Variants in RIN3 observed in about 807,000 individuals in gnomAD.
RIN3 encodes the protein RAB5 interacting protein 3.
In RIN3, 54 loss-of-function variants were observed where a neutral mutation model predicts 76.3. The observed-to-expected ratio is 0.71, with a 90% CI of 0.57 to 0.89. The LOEUF is 0.89. RIN3 is among the 40% of genes least tolerant of loss of function. RIN3 has a pLI of 0.00. For synonymous variants in RIN3, 576 were observed against 564.0 expected (o/e 1.02, Z -0.30); for missense variants, 1,256 against 1,322.1 (o/e 0.95, Z 0.78).
At chr14:92,520,675 G>A (rs987626134) in intron 1 of RIN3, among the ~76,000 whole-genome samples, 1 of 152,164 alleles carries the variant, frequency 6.6e-6, no homozygotes, top group East Asian at 1.9e-4. Context: ...GTTTCCCAGA[G>A]CTAAATTGTT....
At position 92,688,391 on chromosome 14, in the gene RIN3, GT is replaced by G; in HGVS notation, c.*141del. On this transcript the variant is annotated 3_prime_UTR_variant, in exon 10 of 10. Transcript: ENST00000216487. ...GTGCCCAGGCCAACGTCGCAGGACA[GT>G]TGTGAAAATAACATGACGCTCGTCC... 1.2e-6 allele frequency: 1 copy of G among 809,434 alleles called. No individual in the cohort carries two copies. Among genetic ancestry groups the G allele is most frequent in the African/African-American group, 1.8e-5 (1 of 56,920 alleles). 50.1% of individuals were successfully genotyped at this position (809,434 alleles called of 1,614,324 possible). A position where few individuals can be genotyped will look rare whatever the true frequency, so the allele number is the denominator to read the frequency against.
chr14:92,532,017 C>T (rs577793745), intron 1 of RIN3, among the ~76,000 whole-genome samples: 16 of 150,968 alleles, frequency 1.1e-4, no homozygotes, highest in Non-Finnish European at 1.9e-4. Flanking sequence ...CAACCTCCGC[C>T]TCCTGGGTTC....
intron 7 of RIN3, among the ~76,000 whole-genome samples, chr14:92,667,754 C>A (rs979804483): frequency 6.6e-6 from 1 of 151,960 alleles, no homozygotes; most frequent in African/African-American, 2.4e-5. Flanking sequence ...TCATGTAAGT[C>A]CAATTGCATA....
intron 1 of RIN3, among the ~76,000 whole-genome samples, chr14:92,551,392 G>C (rs983559510): frequency 2.0e-5 from 3 of 152,188 alleles, no homozygotes; most frequent in Non-Finnish European, 4.4e-5. Flanking sequence ...TGAGCTATTA[G>C]GAGGAGAGCT....
intron 2 of RIN3, among the ~76,000 whole-genome samples, chr14:92,566,519 C>T (rs773997553): frequency 5.3e-5 from 8 of 152,126 alleles, no homozygotes; most frequent in Admixed American, 3.9e-4. Context: ...TGGTCAAGAT[C>T]GGCTCTGACC....
At position 92,688,293 on chromosome 14, in the gene RIN3, C is replaced by G; in HGVS notation, c.*41C>G. 1 of 1,472,282 alleles carries G rather than the reference C, an allele frequency of 6.8e-7. No individual in the cohort carries two copies. The highest frequency in any genetic ancestry group is 9.0e-7 in the Non-Finnish European group (1 of 1,109,808). The allele number at this position is 1,472,282 out of a possible 1,614,324, so 91.2% of individuals were successfully genotyped here. The stretch of plus-strand genomic sequence containing the variant: ...CCTCCCCTCACCCCCAGGCGCACGT[C>G]TGGCCCCGCCTCTGGCTGCGCACTC... On this transcript the variant is annotated 3_prime_UTR_variant, in exon 10 of 10. Coordinates refer to ENST00000216487, the MANE Select transcript of RIN3 (RefSeq NM_024832.5).
intron 1 of RIN3, among the ~76,000 whole-genome samples, chr14:92,538,793 G>A (rs1440479785): frequency 6.6e-6 from 1 of 152,142 alleles, no homozygotes; most frequent in East Asian, 1.9e-4. Context: ...TGTTTTCTGA[G>A]TAGGCGATAT....
chr14:92,535,669 C>CTTTTTT, intron 1 of RIN3, among the ~76,000 whole-genome samples: 1 of 94,092 alleles, frequency 1.1e-5, no homozygotes. Context: ...CTGGAACAGA[C>CTTTTTT]TTTTTTTTTT....
chr14:92,525,208 C>T (rs1004852148), intron 1 of RIN3, among the ~76,000 whole-genome samples: 4 of 152,170 alleles, frequency 2.6e-5, no homozygotes. Context: ...TGCAGAGGCA[C>T]CCTACAGGCT....
At chr14:92,548,457 T>C (rs1897337566) in intron 1 of RIN3, among the ~76,000 whole-genome samples, 1 of 152,238 alleles carries the variant, frequency 6.6e-6, no homozygotes, top group Admixed American at 6.5e-5. Flanking sequence ...ACCACTAACT[T>C]TGCAGCTTAA....
chr14:92,687,754 G>A, intron 9 of RIN3, 172 bp from the exon 10 acceptor site: 2 of 579,944 alleles, frequency 3.4e-6, no homozygotes, highest in Non-Finnish European at 5.8e-6. Flanking sequence ...GGCAGGGAGG[G>A]GGACGGGCCC....
chr14:92,590,067 G>A lies in RIN3; in HGVS notation c.367+12590G>A, dbSNP rs1025174549. 2.0e-5 allele frequency among the ~76,000 whole-genome samples: 3 copies of A among 152,316 alleles called. No individual in the cohort carries two copies. The South Asian group carries it at 6.2e-4, about 32-fold the overall frequency. Reference sequence around the variant, plus strand: ...CCAATGTGTAACTGATGAACTAGTGGATGTTCACTGTGGACAGGCCTGAGT... The same window carrying A: ...CCAATGTGTAACTGATGAACTAGTGAATGTTCACTGTGGACAGGCCTGAGT... On this transcript the variant is annotated intron_variant, in intron 3 of 9. Coordinates refer to ENST00000216487, the MANE Select transcript of RIN3 (RefSeq NM_024832.5).
chr14:92,564,416 T>G (rs1566844808), intron 2 of RIN3, among the ~76,000 whole-genome samples: 1 of 152,172 alleles, frequency 6.6e-6, no homozygotes, highest in African/African-American at 2.4e-5. Context: ...AAACTCACCC[T>G]CTTGCAAGCC....
At chr14:92,538,841 C>T (rs1897069228) in intron 1 of RIN3, among the ~76,000 whole-genome samples, 1 of 152,138 alleles carries the variant, frequency 6.6e-6, no homozygotes, top group African/African-American at 2.4e-5. Context: ...CAAAAGGGTT[C>T]ATATCCCAGC....
rs1595420202 is a variant in RIN3, at chr14:92,565,115, T to G, written c.249+9160T>G. Among the ~76,000 whole-genome samples, 4 of 152,234 alleles carry G rather than the reference T, an allele frequency of 2.6e-5. No individual in the cohort carries two copies. In the South Asian group the frequency reaches 8.3e-4, roughly 31 times the overall value. ...CCCTCACTGCTCCACCTGGCTCATC[T>G]GCTCTGCCTGGCTTATCTTCCCATC... On this transcript the variant is annotated intron_variant, in intron 2 of 9. Transcript: ENST00000216487.
In RIN3 at chr14:92,684,964, A is replaced by T. The variant is rs371216969; in HGVS notation, c.2468-23A>T. ...GTGGGCGGAGGCGGTCCTGGCTCAGATTCCACACCCTTGTCCACGCAGGTT... is the reference window on the plus strand; with the variant it reads ...GTGGGCGGAGGCGGTCCTGGCTCAGTTTCCACACCCTTGTCCACGCAGGTT... On this transcript the variant is annotated intron_variant, in intron 8 of 9. Coordinates refer to ENST00000216487, the MANE Select transcript of RIN3 (RefSeq NM_024832.5). 9 of 1,594,636 alleles carry T rather than the reference A, an allele frequency of 5.6e-6. No homozygotes were observed. The African/African-American group carries it at 1.2e-4, about 21-fold the overall frequency.
chr14:92,608,049 A>G (rs978203484), intron 3 of RIN3, among the ~76,000 whole-genome samples: 2 of 152,354 alleles, frequency 1.3e-5, no homozygotes, highest in African/African-American at 4.8e-5. Flanking sequence ...GGGATAGCAC[A>G]AGGGAGCTCT....
chr14:92,618,457 G>T (rs1886053015), intron 4 of RIN3, among the ~76,000 whole-genome samples: 1 of 152,164 alleles, frequency 6.6e-6, no homozygotes, highest in African/African-American at 2.4e-5. Flanking sequence ...TGAACCCAAA[G>T]TTCCAGGTCC....
At chr14:92,577,911 C>T (rs1898304949) in intron 3 of RIN3, among the ~76,000 whole-genome samples, 1 of 152,152 alleles carries the variant, frequency 6.6e-6, no homozygotes, top group Admixed American at 6.5e-5. Flanking sequence ...AGTCACAGAG[C>T]TTTTGTGAGG....
Sources: allele counts gnomAD v4.1 joint callset (sites outside exome capture counted in the v4.1 genomes callset), GRCh38; gene constraint gnomAD v4.1.1; transcripts MANE v1.5; gene names NCBI Gene and HGNC (gene_info 2026-07-23, HGNC 2026-07-21).